NPIPB2: variants seen among roughly 807,000 people sequenced by gnomAD.
The protein encoded by NPIPB2 is nuclear pore complex interacting protein family member B2, also known as nuclear pore complex-interacting protein family member B2.
Under a neutral mutation model 30.8 loss-of-function variants are expected in NPIPB2, and 27 were observed. The observed-to-expected ratio is 0.88, with a 90% CI of 0.65 to 1.21. NPIPB2 has a LOEUF of 1.21. Ranked by LOEUF, NPIPB2 falls within the 50% of genes most tolerant of loss-of-function variation. NPIPB2 has a pLI of 0.00. For synonymous variants in NPIPB2, 147 were observed against 162.0 expected, an observed-to-expected ratio of 0.91 and a Z score of 0.70; for missense variants, 440 against 446.2, an observed-to-expected ratio of 0.99 and a Z score of 0.13.
chr16:11,960,746 C>T (rs536901248), intron 1 of NPIPB2, among the ~76,000 whole-genome samples: 1 of 152,278 alleles, frequency 6.6e-6, no homozygotes, highest in South Asian at 2.1e-4. Flanking sequence ...CACTCAAAGG[C>T]CATCAATGAC....
chr16:11,967,545 A>C (rs762668392), intron 1 of NPIPB2: 29 of 1,599,636 alleles, frequency 1.8e-5, no homozygotes, highest in Non-Finnish European at 2.3e-5. Flanking sequence ...AGTTTGGGTT[A>C]ATGTTTCCGT....
chr16:11,970,212 C>T (rs570037227), intron 1 of NPIPB2, among the ~76,000 whole-genome samples: 7 of 151,160 alleles, frequency 4.6e-5, no homozygotes, highest in South Asian at 2.1e-4. Context: ...TATTTTTATT[C>T]ATTTATTTAT....
chr16:11,974,320 C>A (rs922010766), intron 1 of NPIPB2, among the ~76,000 whole-genome samples: 2 of 152,030 alleles, frequency 1.3e-5, no homozygotes, highest in African/African-American at 4.8e-5. Flanking sequence ...GAGTTCAAGG[C>A]TGACCAACAT....
rs565840439 is a variant in NPIPB2 at position 11,952,819 on chromosome 16, G to A, written c.-583-10705C>T. 2.0e-5 allele frequency among the ~76,000 whole-genome samples: 3 copies of A among 152,196 alleles called. No individual in the cohort carries two copies. The East Asian group carries it at 5.8e-4, about 29-fold the overall frequency. ...GACCTCAGGTAATCCACCCGCCTCG[G>A]CCTCCCAAAGTGCTGGGATTACAGG... is the stretch of plus-strand genomic sequence containing the variant. On this transcript the variant is annotated intron_variant, in intron 1 of 5. Transcript: ENST00000538896.
At chr16:11,938,505 A>G (rs1317853058) in intron 1 of NPIPB2, among the ~76,000 whole-genome samples, 1 of 147,942 alleles carries the variant, frequency 6.8e-6, no homozygotes. Context: ...AAATTTTTGT[A>G]TTTTCTGTGG....
chr16:11,944,955 G>T (rs921391141), upstream of NPIPB2, among the ~76,000 whole-genome samples: 2 of 151,328 alleles, frequency 1.3e-5, no homozygotes. Context: ...GAGGTGGGTG[G>T]ATCACCTGAG....
intron 1 of NPIPB2, among the ~76,000 whole-genome samples, chr16:11,961,148 C>T (rs2055149964): frequency 6.6e-6 from 1 of 152,182 alleles, no homozygotes; most frequent in African/African-American, 2.4e-5. Context: ...CAGGTGTGAG[C>T]CACTGCACCC....
At chr16:11,976,251 C>T (rs558802571) in intron 1 of NPIPB2, among the ~76,000 whole-genome samples, 1 of 152,184 alleles carries the variant, frequency 6.6e-6, no homozygotes, top group Non-Finnish European at 1.5e-5. Flanking sequence ...CATCCCCTCG[C>T]TCCTGTCAAC....
intron 1 of NPIPB2, among the ~76,000 whole-genome samples, chr16:11,960,820 C>A (rs1450308813): frequency 6.6e-6 from 1 of 151,936 alleles, no homozygotes; most frequent in Non-Finnish European, 1.5e-5. Flanking sequence ...CTAACTCAGG[C>A]TAAAATCTCT....
At chr16:11,968,455 C>A (rs553295858) in intron 1 of NPIPB2, 3 of 152,402 alleles carry the variant, frequency 2.0e-5, no homozygotes, top group African/African-American at 7.2e-5. Flanking sequence ...CCAGCCTGGG[C>A]AAGAGGGTGA....
chr16:11,961,020 G>A (rs566144453), intron 1 of NPIPB2, among the ~76,000 whole-genome samples: 2 of 151,754 alleles, frequency 1.3e-5, no homozygotes, highest in South Asian at 2.1e-4. Context: ...ACGCCACCAC[G>A]CTTGGCTAAT....
rs1246691253 is a variant in NPIPB2, at chr16:11,951,429, A to C, written c.-583-9315T>G. ...CAGTGAGCCGAGATCATGCCACTGCACTCCAGCCTGGGCGACAGACAAGAC... is the reference window on the plus strand; with the variant it reads ...CAGTGAGCCGAGATCATGCCACTGCCCTCCAGCCTGGGCGACAGACAAGAC... On this transcript the variant is annotated intron_variant, in intron 1 of 5. Coordinates refer to the NPIPB2 transcript ENST00000538896. Among the ~76,000 whole-genome samples, 9 of 130,600 alleles carry C rather than the reference A, an allele frequency of 6.9e-5. No individual in the cohort carries two copies. In the South Asian group the frequency reaches 1.7e-3, roughly 24 times the overall value. 85.7% of individuals were successfully genotyped at this position (130,600 alleles called of 152,430 possible). A position where few individuals can be genotyped will look rare whatever the true frequency, so the allele number is the denominator to read the frequency against.
At chr16:11,952,939 A>G (rs2055080878) in intron 1 of NPIPB2, among the ~76,000 whole-genome samples, 1 of 152,046 alleles carries the variant, frequency 6.6e-6, no homozygotes, top group Non-Finnish European at 1.5e-5. Context: ...GCTATTTGGG[A>G]TCTCTCTGCC....
upstream of NPIPB2, among the ~76,000 whole-genome samples, chr16:11,943,305 C>T (rs536061280): frequency 2.2e-4 from 34 of 152,150 alleles, no homozygotes; most frequent in African/African-American, 8.2e-4. Context: ...GGCGACAGAG[C>T]GAGACTCTGT....
intron 1 of NPIPB2, among the ~76,000 whole-genome samples, chr16:11,956,610 A>G (rs769355121): frequency 6.6e-6 from 1 of 152,174 alleles, no homozygotes; most frequent in African/African-American, 2.4e-5. Context: ...CAGGAGGTGG[A>G]GGTTGCAGTG....
intron 1 of NPIPB2, among the ~76,000 whole-genome samples, chr16:11,947,493 C>G (rs1364746899): frequency 1.3e-5 from 2 of 151,498 alleles, no homozygotes; most frequent in African/African-American, 4.8e-5. Flanking sequence ...TACAGGCGCA[C>G]GATGCCACGC....
Position 11,965,013 on chromosome 16 carries a change from TG to T in NPIPB2, c.-584+11554del, listed in dbSNP as rs2055182206. On this transcript the variant is annotated intron_variant, in intron 1 of 5. Transcript: ENST00000538896. Reference sequence around the variant, plus strand: ...TGTGGGCTTGTCTGCATCTTGCAACTGTCACCTGGCTGAGAAATTTCTTCTA... The same window carrying T: ...TGTGGGCTTGTCTGCATCTTGCAACTTCACCTGGCTGAGAAATTTCTTCTA... 5 of 404,946 alleles carry T rather than the reference TG, an allele frequency of 1.2e-5. No homozygotes were observed. In the South Asian group the frequency reaches 1.8e-4, roughly 15 times the overall value. 25.1% of individuals were successfully genotyped at this position (404,946 alleles called of 1,614,324 possible). A position where few individuals can be genotyped will look rare whatever the true frequency, so the allele number is the denominator to read the frequency against.
intron 1 of NPIPB2, among the ~76,000 whole-genome samples, chr16:11,968,290 A>T (rs1373680376): frequency 2.0e-5 from 3 of 152,164 alleles, no homozygotes; most frequent in Admixed American, 2.0e-4. Flanking sequence ...CAGCCTGGCC[A>T]ACATGGTGAA....
chr16:11,964,734 A>G (rs2055179888), intron 1 of NPIPB2, among the ~76,000 whole-genome samples: 2 of 152,062 alleles, frequency 1.3e-5, no homozygotes, highest in South Asian at 4.2e-4. Flanking sequence ...CTACTTTTTA[A>G]AATGTTTTTG....
Sources: gnomAD v4.1 joint callset for allele counts (sites outside exome capture counted in the v4.1 genomes callset) on GRCh38, gnomAD v4.1.1 for gene constraint, MANE v1.5 for transcripts, NCBI Gene and HGNC (gene_info 2026-07-23, HGNC 2026-07-21) for gene names.